The following RBFOX3 variants were observed in gnomAD, a reference collection of about 807,000 sequenced individuals.
The protein encoded by RBFOX3 is RNA binding fox-1 homolog 3.
RBFOX3 carries 17 observed loss-of-function variants against 48.7 expected under a neutral mutation model. The observed-to-expected ratio is 0.35, with a 90% CI of 0.24 to 0.52. The LOEUF (loss-of-function observed/expected upper bound fraction) is 0.52. Ranked by LOEUF, RBFOX3 falls within the 20% of genes least tolerant of loss-of-function variation. The pLI is 0.94. For missense variants in RBFOX3, 382 were observed against 497.5 expected (o/e 0.77, Z 2.21); for synonymous variants, 212 against 209.5 (o/e 1.01, Z -0.10).
chr17:79,264,369 C>A (rs1407750047), intron 3 of RBFOX3, among the ~76,000 whole-genome samples: 42 of 131,238 alleles, frequency 3.2e-4, no homozygotes, highest in African/African-American at 1.3e-3. Context: ...AGCCACCAAG[C>A]CTGGCTTTTT....
chr17:79,191,827 A>T (rs1017018347), intron 4 of RBFOX3, among the ~76,000 whole-genome samples: 2 of 152,168 alleles, frequency 1.3e-5, no homozygotes, highest in African/African-American at 4.8e-5. Context: ...TTCCTTTCTC[A>T]GGCTTTGAGA....
At chr17:79,170,113 A>AGGAG in intron 4 of RBFOX3, among the ~76,000 whole-genome samples, 4 of 142,216 alleles carry the variant, frequency 2.8e-5, no homozygotes, top group African/African-American at 1.1e-4. Flanking sequence ...GGAAAGGAGG[A>AGGAG]GGAAGGAAGG....
At chr17:79,444,502 C>T (rs2071825145) in intron 2 of RBFOX3, among the ~76,000 whole-genome samples, 1 of 152,102 alleles carries the variant, frequency 6.6e-6, no homozygotes, top group Non-Finnish European at 1.5e-5. Context: ...CTCTGAGCCA[C>T]AGCTCCAAAG....
At chr17:79,312,703 A>AT (rs2077021458) in intron 2 of RBFOX3, among the ~76,000 whole-genome samples, 1 of 152,172 alleles carries the variant, frequency 6.6e-6, no homozygotes, top group Non-Finnish European at 1.5e-5. Context: ...CTTCATGCAC[A>AT]TAAAAAGACC....
intron 2 of RBFOX3, among the ~76,000 whole-genome samples, chr17:79,372,918 G>C (rs1315040172): frequency 2.0e-5 from 3 of 152,196 alleles, no homozygotes; most frequent in Non-Finnish European, 2.9e-5. Context: ...CGCAGAGCAA[G>C]ACAGGGCAGA....
chr17:79,097,622 C>T (rs2075618129), intron 10 of RBFOX3, 70 bp downstream of exon 10: 3 of 1,386,070 alleles, frequency 2.2e-6, no homozygotes, highest in Admixed American at 4.3e-5. Context: ...GCCCCGCCCC[C>T]AGAGCCCCCG....
At chr17:79,575,199 C>A (rs1253424572) in intron 1 of RBFOX3, among the ~76,000 whole-genome samples, 2 of 152,136 alleles carry the variant, frequency 1.3e-5, no homozygotes, top group Non-Finnish European at 2.9e-5. Context: ...GCACACCCAG[C>A]AATTAGTTAT....
intron 3 of RBFOX3, among the ~76,000 whole-genome samples, chr17:79,258,568 A>C (rs1285599680): frequency 6.6e-6 from 1 of 152,064 alleles, no homozygotes; most frequent in Non-Finnish European, 1.5e-5. Context: ...CACTAACGAC[A>C]CTCAGGGGTC....
At chr17:79,395,777 G>C (rs2061917481) in intron 2 of RBFOX3, among the ~76,000 whole-genome samples, 1 of 152,234 alleles carries the variant, frequency 6.6e-6, no homozygotes, top group Non-Finnish European at 1.5e-5. Context: ...GACGTGACCA[G>C]GAGCCCATCA....
intron 5 of RBFOX3, among the ~76,000 whole-genome samples, chr17:79,109,419 G>A (rs1179985940): frequency 1.3e-5 from 2 of 152,202 alleles, no homozygotes; most frequent in Admixed American, 1.3e-4. Context: ...AGGGGTATGC[G>A]GGAGGCTCCT....
the RBFOX3 span, among the ~76,000 whole-genome samples, chr17:79,627,287 T>C: frequency 6.6e-6 from 1 of 152,130 alleles, no homozygotes; most frequent in Non-Finnish European, 1.5e-5. Context: ...ATCTTCAACA[T>C]AGCTTCCCCC....
chr17:79,357,942 AT>A (rs1598376424), intron 2 of RBFOX3, among the ~76,000 whole-genome samples: 1 of 12,646 alleles, frequency 7.9e-5, no homozygotes, highest in East Asian at 1.2e-3. Context: ...CAAACAAGCT[AT>A]TATTATTATT....
At chr17:79,341,523 T>C (rs1053473482) in intron 2 of RBFOX3, among the ~76,000 whole-genome samples, 1 of 152,050 alleles carries the variant, frequency 6.6e-6, no homozygotes, top group African/African-American at 2.4e-5. Context: ...GTGGCGGGTG[T>C]TGGAAGCCAG....
intron 3 of RBFOX3, among the ~76,000 whole-genome samples, chr17:79,264,567 C>T (rs75075875): frequency 1.8e-3 from 275 of 152,262 alleles, no homozygotes; most frequent in African/African-American, 6.2e-3. Flanking sequence ...TTTCTGTTGT[C>T]TCATGTCACC....
At chr17:79,517,773 C>T (rs922058155) in intron 1 of RBFOX3, among the ~76,000 whole-genome samples, 12 of 152,182 alleles carry the variant, frequency 7.9e-5, no homozygotes, top group Non-Finnish European at 1.5e-4. Context: ...GTAACATCGA[C>T]GGAAACATCA....
intron 2 of RBFOX3, among the ~76,000 whole-genome samples, chr17:79,308,064 A>G (rs1042877186): frequency 7.0e-4 from 106 of 152,286 alleles, no homozygotes; most frequent in African/African-American, 2.5e-3. Context: ...AGCCCTGGAT[A>G]TTGTAGGTGA....
At chr17:79,417,024 T>G (rs1485034519) in intron 2 of RBFOX3, among the ~76,000 whole-genome samples, 1 of 151,528 alleles carries the variant, frequency 6.6e-6, no homozygotes, top group Non-Finnish European at 1.5e-5. Context: ...TGGCAGGGAG[T>G]GGAAAGGCGG....
chr17:79,455,240 C>G (rs1291037449), intron 2 of RBFOX3, among the ~76,000 whole-genome samples: 1 of 152,170 alleles, frequency 6.6e-6, no homozygotes, highest in Non-Finnish European at 1.5e-5. Flanking sequence ...CAAAAGGATC[C>G]AAAGACGCGC....
chr17:79,168,033 G>A (rs1161109090), intron 4 of RBFOX3, among the ~76,000 whole-genome samples: 10 of 152,352 alleles, frequency 6.6e-5, no homozygotes, highest in African/African-American at 2.4e-4. Context: ...GGCTGGGTGA[G>A]GGGTGGGTAA....
Sources: gnomAD v4.1 joint callset for allele counts (sites outside exome capture counted in the v4.1 genomes callset) on GRCh38, gnomAD v4.1.1 for gene constraint, MANE v1.5 for transcripts, NCBI Gene and HGNC (gene_info 2026-07-23, HGNC 2026-07-21) for gene names.